GIN1: variants seen among roughly 807,000 people sequenced by gnomAD.
The protein encoded by GIN1 is gypsy retrotransposon integrase-like protein 1.
Under a neutral mutation model 51.4 loss-of-function variants are expected in GIN1, and 41 were observed. The observed-to-expected ratio is 0.80, with a 90% confidence interval of 0.62 to 1.04. GIN1 has a LOEUF of 1.04. Ranked by LOEUF, GIN1 falls within the 50% of genes least tolerant of loss-of-function variation. The pLI, the probability that GIN1 is intolerant of heterozygous loss-of-function variation, is 0.00. For missense variants in GIN1, 610 were observed against 612.4 expected (o/e 1.00, Z 0.04); for synonymous variants, 222 against 206.5 (o/e 1.07, Z -0.64).
At chr5:103,089,554 T>C (rs1554194319) in intron 7 of GIN1, among the ~76,000 whole-genome samples, 1 of 152,154 alleles carries the variant, frequency 6.6e-6, no homozygotes, top group East Asian at 1.9e-4. Context: ...CCTTCTGGGC[T>C]CAAGTGATCC....
chr5:103,089,943 G>C (rs1554194343), intron 7 of GIN1, among the ~76,000 whole-genome samples: 1 of 151,974 alleles, frequency 6.6e-6, no homozygotes, highest in African/African-American at 2.4e-5. Context: ...GCTTGGGCTT[G>C]TATGGCCATT....
chr5:103,115,081 C>G (rs1787995339), intron 1 of GIN1, among the ~76,000 whole-genome samples: 1 of 152,146 alleles, frequency 6.6e-6, no homozygotes, highest in Non-Finnish European at 1.5e-5. Context: ...TTGCTAGAGA[C>G]AGATATAAGG....
intron 2 of GIN1, among the ~76,000 whole-genome samples, chr5:103,107,878 T>C (rs980799346): frequency 6.6e-6 from 1 of 152,108 alleles, no homozygotes; most frequent in African/African-American, 2.4e-5. Flanking sequence ...TAGAGTTTTA[T>C]TAACCTGTTT....
At chr5:103,098,352 T>G (rs1787467772) in intron 4 of GIN1, among the ~76,000 whole-genome samples, 1 of 152,222 alleles carries the variant, frequency 6.6e-6, no homozygotes, top group African/African-American at 2.4e-5. Context: ...TTTTGAGGTA[T>G]TATTAATTTC....
chr5:103,094,921 C>T (rs146140807), intron 7 of GIN1, among the ~76,000 whole-genome samples: 3 of 152,266 alleles, frequency 2.0e-5, no homozygotes, highest in African/African-American at 7.2e-5. Context: ...GATAAGTTTA[C>T]TGACTAAACA....
intron 7 of GIN1, among the ~76,000 whole-genome samples, chr5:103,090,848 C>T (rs770470153): frequency 4.9e-4 from 74 of 151,968 alleles, no homozygotes; most frequent in Non-Finnish European, 8.2e-4. Context: ...ACATACCAAC[C>T]TCACTTGATT....
intron 4 of GIN1, chr5:103,102,788 G>C (rs1221647403): frequency 6.6e-6 from 1 of 152,018 alleles, no homozygotes; most frequent in East Asian, 1.9e-4. Flanking sequence ...GCTAAGGTGG[G>C]GGTATCACTT....
intron 2 of GIN1, among the ~76,000 whole-genome samples, chr5:103,107,339 A>G (rs1362246556): frequency 6.6e-6 from 1 of 151,832 alleles, no homozygotes; most frequent in African/African-American, 2.4e-5. Context: ...TCATCACTGT[A>G]TTTTTGCAAG....
Position 103,118,042 on chromosome 5 carries a change from A to AT in GIN1, c.-8+2021dup, listed in dbSNP as rs202062433. Among the ~76,000 whole-genome samples, 886 of 152,228 alleles carry AT rather than the reference A, an allele frequency of 5.8e-3. 6 individuals carry two copies. Among genetic ancestry groups the AT allele is most frequent in the African/African-American group, 0.02 (849 of 41,566 alleles). ...AATGAGGAATGGAAAGAGTTTATTA[A>AT]TTTTTTATGTTTACATTGTTTAACA... is the stretch of plus-strand genomic sequence containing the variant. On this transcript the variant is annotated intron_variant, in intron 1 of 7. Transcript: ENST00000399004.
intron 7 of GIN1, among the ~76,000 whole-genome samples, chr5:103,090,073 A>C (rs1198245119): frequency 6.6e-6 from 1 of 152,178 alleles, no homozygotes; most frequent in African/African-American, 2.4e-5. Flanking sequence ...CAGATCACTT[A>C]AGGTTAGGAG....
intron 3 of GIN1, among the ~76,000 whole-genome samples, chr5:103,105,916 C>T (rs1787710793): frequency 6.6e-6 from 1 of 152,052 alleles, no homozygotes; most frequent in African/African-American, 2.4e-5. Context: ...AAATGCACAG[C>T]AGGAAAAATA....
At chr5:103,091,675 G>GT (rs1311854157) in intron 7 of GIN1, among the ~76,000 whole-genome samples, 10 of 149,270 alleles carry the variant, frequency 6.7e-5, no homozygotes, top group Non-Finnish European at 7.5e-5. Context: ...TCTAATGTAG[G>GT]TTTTTTTTTT....
At chr5:103,114,799 G>A (rs1192943156) in intron 1 of GIN1, among the ~76,000 whole-genome samples, 2 of 152,082 alleles carry the variant, frequency 1.3e-5, no homozygotes, top group African/African-American at 2.4e-5. Context: ...AATCTTTAGG[G>A]ACATGAGACT....
At chr5:103,109,179 G>A (rs1284968379) in intron 1 of GIN1, among the ~76,000 whole-genome samples, 1 of 151,886 alleles carries the variant, frequency 6.6e-6, no homozygotes, top group Non-Finnish European at 1.5e-5. Flanking sequence ...TGTCACCTCA[G>A]CCCTAAGGTG....
intron 3 of GIN1, among the ~76,000 whole-genome samples, chr5:103,106,236 T>A (rs1554196251): frequency 6.6e-6 from 1 of 152,180 alleles, no homozygotes; most frequent in African/African-American, 2.4e-5. Flanking sequence ...TATTTCATTA[T>A]CCTCAAAATT....
Position 103,108,619 on chromosome 5 carries a change from G to T in GIN1, c.89C>A (p.Pro30Gln), listed in dbSNP as rs782468672. Residue 30 changes from proline (P) to glutamine (Q), a missense_variant, in exon 2 of 8, where the codon CCA becomes CAA. Coordinates refer to ENST00000399004, the MANE Select transcript of GIN1 (RefSeq NM_017676.2). Reference sequence around the variant, plus strand: ...TCTTCTTATGCCACTTCTCTCACTTGGCAGTGTAGTTGAATGATATTCACC... The same window carrying T: ...TCTTCTTATGCCACTTCTCTCACTTTGCAGTGTAGTTGAATGATATTCACC... ...RTGEYHSTTL[P>Q]SERSGIRRAA... 2 of 1,604,688 alleles carry T rather than the reference G, an allele frequency of 1.2e-6. No homozygotes were observed. The highest frequency in any genetic ancestry group is 1.7e-6 in the Non-Finnish European group (2 of 1,172,882).
chr5:103,104,151 G>A (rs528113220), intron 4 of GIN1, among the ~76,000 whole-genome samples: 9 of 151,896 alleles, frequency 5.9e-5, no homozygotes, highest in South Asian at 4.2e-4. Context: ...ATGGAGTTTC[G>A]CCCTATTGCC....
chr5:103,110,636 T>C (rs964199876), intron 1 of GIN1, among the ~76,000 whole-genome samples: 1 of 152,128 alleles, frequency 6.6e-6, no homozygotes, highest in East Asian at 1.9e-4. Flanking sequence ...TCATACATTG[T>C]GGGAGGATAA....
At chr5:103,116,817 A>G (rs1270753987) in intron 1 of GIN1, among the ~76,000 whole-genome samples, 4 of 152,086 alleles carry the variant, frequency 2.6e-5, no homozygotes, top group Non-Finnish European at 5.9e-5. Flanking sequence ...CACATGAAAA[A>G]ATGCTCAACA....
Sources: allele counts gnomAD v4.1 joint callset (sites outside exome capture counted in the v4.1 genomes callset), GRCh38; gene constraint gnomAD v4.1.1; transcripts MANE v1.5; gene names NCBI Gene and HGNC (gene_info 2026-07-23, HGNC 2026-07-21).